Variants in CDH8 observed in about 807,000 individuals in gnomAD.
CDH8 encodes cadherin-8.
In CDH8, 17 loss-of-function variants were observed where a neutral mutation model predicts 68.1. The ratio of observed to expected loss-of-function variants is 0.25; its 90% CI spans 0.17 to 0.37. The LOEUF (loss-of-function observed/expected upper bound fraction) is 0.37. Among genes scored for constraint, CDH8 ranks in the 10% least tolerant of loss-of-function variants. The pLI is 1.00. For synonymous variants in CDH8, 372 were observed against 365.1 expected, an observed-to-expected ratio of 1.02 and a Z score of -0.21; for missense variants, 763 against 999.3, an observed-to-expected ratio of 0.76 and a Z score of 3.19.
intron 4 of CDH8, among the ~76,000 whole-genome samples, chr16:61,832,727 A>G (rs139182206): frequency 6.6e-6 from 1 of 151,858 alleles, no homozygotes; most frequent in East Asian, 1.9e-4. Flanking sequence ...TTAGTGGTTA[A>G]GGTTATAGAT....
intron 8 of CDH8, among the ~76,000 whole-genome samples, chr16:61,781,964 G>C (rs990247246): frequency 6.6e-6 from 1 of 152,146 alleles, no homozygotes; most frequent in African/African-American, 2.4e-5. Flanking sequence ...AAACAGCAAA[G>C]TTTCCAAAGC....
rs1456344742 is a variant in CDH8 at position 61,656,563 on chromosome 16, G to T, written c.1655-842C>A. The stretch of plus-strand genomic sequence containing the variant: ...CCTAGAGCATTCACATTAAGATACA[G>T]CAAAAGCCCTATTTACTACCCGGAG... On this transcript the variant is annotated intron_variant, in intron 10 of 11. Coordinates refer to ENST00000577390, the MANE Select transcript of CDH8 (RefSeq NM_001796.5). 2.0e-5 allele frequency among the ~76,000 whole-genome samples: 3 copies of T among 152,108 alleles called. No homozygotes were observed. The East Asian group carries it at 5.8e-4, about 29-fold the overall frequency.
chr16:61,972,443 G>A (rs1030598161), intron 2 of CDH8, among the ~76,000 whole-genome samples: 49 of 152,110 alleles, frequency 3.2e-4, no homozygotes, highest in African/African-American at 1.2e-3. Flanking sequence ...TACTCCTAAG[G>A]GAAATGGCAG....
chr16:61,650,527 G>A lies in CDH8; in HGVS notation c.*3081C>T, dbSNP rs1963296688. On this transcript the variant is annotated 3_prime_UTR_variant, in exon 12 of 12. Transcript: ENST00000577390. ...GTCATTTCAATAAAGTTTTTAAAAT[G>A]TGTTATTTAACAAATTGAGCATGGG... is the stretch of plus-strand genomic sequence containing the variant. The A allele has an allele frequency of 6.6e-6, 1 of 152,060 alleles. No individual in the cohort carries two copies. Among genetic ancestry groups the A allele is most frequent in the Non-Finnish European group, 1.5e-5 (1 of 67,990 alleles). The allele number at this position is 152,060 out of a possible 1,614,324, so 9.4% of individuals were successfully genotyped here.
chr16:61,773,292 C>A (rs931484787), intron 8 of CDH8, among the ~76,000 whole-genome samples: 1 of 152,022 alleles, frequency 6.6e-6, no homozygotes, highest in Non-Finnish European at 1.5e-5. Flanking sequence ...ACACTACATA[C>A]ATGATTTTTT....
chr16:61,798,549 G>T (rs911566729), intron 7 of CDH8, among the ~76,000 whole-genome samples: 3 of 152,082 alleles, frequency 2.0e-5, no homozygotes, highest in African/African-American at 4.8e-5. Context: ...TAACTTCAAT[G>T]AGCTGTATTT....
intron 2 of CDH8, among the ~76,000 whole-genome samples, chr16:61,939,204 T>C (rs1964674605): frequency 6.6e-6 from 1 of 152,214 alleles, no homozygotes; most frequent in African/African-American, 2.4e-5. Flanking sequence ...TAACAAATAC[T>C]TCTATTTATC....
chr16:61,703,147 T>A (rs1054562164), intron 10 of CDH8, among the ~76,000 whole-genome samples: 1 of 152,198 alleles, frequency 6.6e-6, no homozygotes, highest in Non-Finnish European at 1.5e-5. Context: ...AAAAACTATT[T>A]CACAAGAAAT....
chr16:61,866,877 A>G (rs1159653069), intron 3 of CDH8, among the ~76,000 whole-genome samples: 1 of 152,184 alleles, frequency 6.6e-6, no homozygotes, highest in African/African-American at 2.4e-5. Flanking sequence ...TATTTAACAA[A>G]GTATAAATTT....
intron 2 of CDH8, among the ~76,000 whole-genome samples, chr16:61,977,562 T>C (rs144680486): frequency 6.6e-6 from 1 of 152,136 alleles, no homozygotes; most frequent in African/African-American, 2.4e-5. Context: ...GTGATACCTA[T>C]AGTGAAGCAC....
intron 1 of CDH8, among the ~76,000 whole-genome samples, chr16:62,033,886 C>T (rs543810694): frequency 7.3e-5 from 11 of 151,690 alleles, no homozygotes; most frequent in African/African-American, 2.7e-4. Context: ...AAATCAAAGG[C>T]GATTTAAAAT....
chr16:61,847,084 G>A (rs1346888027), intron 4 of CDH8, among the ~76,000 whole-genome samples: 5 of 151,972 alleles, frequency 3.3e-5, no homozygotes, highest in African/African-American at 1.2e-4. Context: ...CATCTCCTGG[G>A]ATCTGAAATT....
chr16:61,727,355 C>A, intron 8 of CDH8, 140 bp from the exon 9 acceptor site: 2 of 788,916 alleles, frequency 2.5e-6, no homozygotes, highest in Non-Finnish European at 3.9e-6. Context: ...TAGAGTCTGA[C>A]CAAATAAGAA....
intron 2 of CDH8, among the ~76,000 whole-genome samples, chr16:61,919,378 G>A (rs1402778006): frequency 6.8e-6 from 1 of 147,380 alleles, no homozygotes; most frequent in Non-Finnish European, 1.5e-5. Context: ...AGCTACGGGA[G>A]GACATTCAAA....
chr16:61,862,135 TCACACACACACA>T (rs3069990), intron 3 of CDH8, among the ~76,000 whole-genome samples: 33 of 146,328 alleles, frequency 2.3e-4, no homozygotes, highest in African/African-American at 6.5e-4. Flanking sequence ...CAAACACCAC[TCACACACACACA>T]CACACACACA....
intron 8 of CDH8, among the ~76,000 whole-genome samples, chr16:61,731,699 CTA>C (rs770988457): frequency 2.0e-4 from 30 of 151,600 alleles, no homozygotes; most frequent in Non-Finnish European, 3.2e-4. Context: ...TTGAAAATAT[CTA>C]GTTTCCAAAA....
intron 2 of CDH8, among the ~76,000 whole-genome samples, chr16:61,935,024 T>C (rs1964607396): frequency 6.6e-6 from 1 of 152,188 alleles, no homozygotes; most frequent in Non-Finnish European, 1.5e-5. Flanking sequence ...TATCCCATCA[T>C]TTTTTGCATC....
intron 10 of CDH8, among the ~76,000 whole-genome samples, chr16:61,663,184 C>T (rs1440581740): frequency 6.6e-6 from 1 of 151,984 alleles, no homozygotes; most frequent in African/African-American, 2.4e-5. Flanking sequence ...ACCAAATGAA[C>T]AAGAGCTCTT....
chr16:61,948,823 A>G (rs1964841188), intron 2 of CDH8, among the ~76,000 whole-genome samples: 1 of 152,224 alleles, frequency 6.6e-6, no homozygotes, highest in Admixed American at 6.5e-5. Context: ...AGTAATCTGT[A>G]AAACTCTTCT....
Sources: allele counts gnomAD v4.1 joint callset (sites outside exome capture counted in the v4.1 genomes callset), GRCh38; gene constraint gnomAD v4.1.1; transcripts MANE v1.5; gene names NCBI Gene and HGNC (gene_info 2026-07-23, HGNC 2026-07-21).